Variants in RBFOX3 observed in about 807,000 individuals in gnomAD.
RBFOX3 encodes RNA binding fox-1 homolog 3.
In RBFOX3, 17 loss-of-function variants were observed where a neutral mutation model predicts 48.7. That is an observed-to-expected ratio of 0.35 (90% confidence interval 0.24 to 0.52). The LOEUF is 0.52. Ranked by LOEUF, RBFOX3 falls within the 20% of genes least tolerant of loss-of-function variation. The pLI is 0.94. For synonymous variants in RBFOX3, 212 were observed against 209.5 expected (o/e 1.01, Z -0.10); for missense variants, 382 against 497.5 (o/e 0.77, Z 2.21).
At chr17:79,351,922 G>C (rs143954284) in intron 2 of RBFOX3, among the ~76,000 whole-genome samples, 135 of 152,180 alleles carry the variant, frequency 8.9e-4, no homozygotes, top group African/African-American at 3.2e-3. Context: ...TGTTTTCCTA[G>C]AGAGTCGTTC....
intron 1 of RBFOX3, among the ~76,000 whole-genome samples, chr17:79,602,567 C>G (rs1294345949): frequency 6.6e-6 from 1 of 152,214 alleles, no homozygotes; most frequent in Non-Finnish European, 1.5e-5. Context: ...GTCTCTAGTT[C>G]CACTTCACCT....
chr17:79,480,756 C>T lies in RBFOX3; in HGVS notation c.-175+1698G>A, dbSNP rs973421400. ...CTGTCTTGGCTCACAACATCAGCAC[C>T]GGGGCCTGCCCTTCTGTCCTGGGCA... On this transcript the variant is annotated intron_variant, in intron 2 of 14. Transcript: ENST00000693108. The surrounding 1 kb of genome is among the most constrained non-coding windows in gnomAD (Gnocchi z 4.8). Among the ~76,000 whole-genome samples the T allele has an allele frequency of 5.9e-5, 9 of 152,306 alleles. No homozygotes were observed. The highest frequency in any genetic ancestry group is 3.9e-4 in the East Asian group (2 of 5,178).
chr17:79,552,940 T>C (rs989400700), intron 1 of RBFOX3, among the ~76,000 whole-genome samples: 1 of 152,218 alleles, frequency 6.6e-6, no homozygotes, highest in Non-Finnish European at 1.5e-5. Context: ...TACAATTATA[T>C]CATCTAAAAA....
chr17:79,405,933 A>G (rs147159681), intron 2 of RBFOX3, among the ~76,000 whole-genome samples: 2 of 152,268 alleles, frequency 1.3e-5, no homozygotes, highest in East Asian at 3.9e-4. Context: ...CTTTCTGTGC[A>G]TGGATCTTGG....
chr17:79,574,478 C>G (rs1457917990), intron 1 of RBFOX3, among the ~76,000 whole-genome samples: 1 of 152,174 alleles, frequency 6.6e-6, no homozygotes, highest in Non-Finnish European at 1.5e-5. Flanking sequence ...AAGAGACACC[C>G]CCGCCAGCAC....
chr17:79,450,279 A>G (rs1598746521), intron 2 of RBFOX3, among the ~76,000 whole-genome samples: 1 of 152,204 alleles, frequency 6.6e-6, no homozygotes, highest in East Asian at 1.9e-4. Flanking sequence ...TTTCAATTCT[A>G]ATCACTTCCC....
At chr17:79,289,161 A>G (rs555353089) in intron 3 of RBFOX3, among the ~76,000 whole-genome samples, 2 of 152,314 alleles carry the variant, frequency 1.3e-5, no homozygotes, top group South Asian at 4.1e-4. Context: ...CAGGGACACC[A>G]GGCCTCTCCA....
At chr17:79,525,751 CTTGT>C (rs1190206904) in intron 1 of RBFOX3, among the ~76,000 whole-genome samples, 7 of 152,274 alleles carry the variant, frequency 4.6e-5, no homozygotes, top group African/African-American at 1.7e-4. Flanking sequence ...AAGTTGTTTC[CTTGT>C]TTGAGTATAT....
chr17:79,115,789 C>T (rs1241504104), intron 4 of RBFOX3, 41 bp from the exon 5 acceptor site: 2 of 619,932 alleles, frequency 3.2e-6, no homozygotes, highest in African/African-American at 1.9e-5. Flanking sequence ...AGAATCTTGT[C>T]CCCTTCCCGG....
intron 1 of RBFOX3, among the ~76,000 whole-genome samples, chr17:79,544,228 G>GTTT (rs1555791164): frequency 1.3e-5 from 2 of 152,252 alleles, no homozygotes; most frequent in African/African-American, 4.8e-5. Flanking sequence ...ACTTGTGTGT[G>GTTT]TTTTCTTCCA....
chr17:79,093,803 A>ACACC (rs1174345314), intron 14 of RBFOX3, among the ~76,000 whole-genome samples: 1 of 149,152 alleles, frequency 6.7e-6, no homozygotes, highest in Non-Finnish European at 1.5e-5. Context: ...ACACACACAC[A>ACACC]CACACACACA....
At chr17:79,622,170 C>T in the RBFOX3 span, among the ~76,000 whole-genome samples, 1 of 152,196 alleles carries the variant, frequency 6.6e-6, no homozygotes, top group Non-Finnish European at 1.5e-5. Context: ...AACCCAGTCA[C>T]CACCCACAAA....
intron 1 of RBFOX3, among the ~76,000 whole-genome samples, chr17:79,563,148 A>G (rs1407388919): frequency 6.6e-6 from 1 of 152,220 alleles, no homozygotes; most frequent in Non-Finnish European, 1.5e-5. Context: ...ACAAGCCAAC[A>G]GGATCAATAG....
chr17:79,233,379 C>T (rs2061256430), intron 4 of RBFOX3, among the ~76,000 whole-genome samples: 1 of 152,210 alleles, frequency 6.6e-6, no homozygotes, highest in African/African-American at 2.4e-5. Context: ...GAAGAGATTA[C>T]AAAGAGGCAC....
At chr17:79,398,128 C>T (rs2062275299) in intron 2 of RBFOX3, among the ~76,000 whole-genome samples, 1 of 152,058 alleles carries the variant, frequency 6.6e-6, no homozygotes, top group Non-Finnish European at 1.5e-5. Flanking sequence ...GCAATTAGAG[C>T]CCAATCTAGT....
chr17:79,582,739 C>T (rs997382022), intron 1 of RBFOX3, among the ~76,000 whole-genome samples: 1 of 143,152 alleles, frequency 7.0e-6, no homozygotes, highest in Non-Finnish European at 1.5e-5. Context: ...GCCATGATCG[C>T]GCCACTGCAC....
intron 1 of RBFOX3, among the ~76,000 whole-genome samples, chr17:79,503,976 T>C (rs1168154924): frequency 2.0e-5 from 3 of 152,032 alleles, no homozygotes; most frequent in African/African-American, 7.2e-5. Context: ...GTCAAGGAAA[T>C]GGGAAGGTGG....
chr17:79,532,205 G>T (rs922489819), intron 1 of RBFOX3, among the ~76,000 whole-genome samples: 14 of 151,778 alleles, frequency 9.2e-5, no homozygotes, highest in Non-Finnish European at 1.3e-4. Flanking sequence ...CTGGAGGGGG[G>T]AGGGGAGGAG....
chr17:79,333,548 C>T (rs1193435722), intron 2 of RBFOX3, among the ~76,000 whole-genome samples: 1 of 152,190 alleles, frequency 6.6e-6, no homozygotes, highest in East Asian at 1.9e-4. Context: ...CTCAGAGCCA[C>T]CCAACCTCAG....
Sources: gnomAD v4.1 joint callset for allele counts (sites outside exome capture counted in the v4.1 genomes callset) on GRCh38, gnomAD v4.1.1 for gene constraint, Gnocchi (gnomAD v3.1) non-coding constraint, MANE v1.5 for transcripts, NCBI Gene and HGNC (gene_info 2026-07-23, HGNC 2026-07-21) for gene names.